MYO5B: variants seen among roughly 807,000 people sequenced by gnomAD.
MYO5B encodes myosin VB.
Under a neutral mutation model 229.3 loss-of-function variants are expected in MYO5B, and 143 were observed. The observed-to-expected ratio is 0.62, with a 90% confidence interval of 0.54 to 0.72. MYO5B has a LOEUF of 0.72. Among genes scored for constraint, MYO5B ranks in the 30% least tolerant of loss-of-function variants. The pLI, the probability that MYO5B is intolerant of heterozygous loss-of-function variation, is 0.00. For synonymous variants in MYO5B, 918 were observed against 885.2 expected, an observed-to-expected ratio of 1.04 and a Z score of -0.66; for missense variants, 2,321 against 2,331.0, an observed-to-expected ratio of 1.00 and a Z score of 0.09.
At chr18:50,078,686 TAA>T (rs1260718737) in intron 1 of MYO5B, among the ~76,000 whole-genome samples, 1 of 152,182 alleles carries the variant, frequency 6.6e-6, no homozygotes, top group Non-Finnish European at 1.5e-5. Flanking sequence ...CAGTATCTGC[TAA>T]AGCTGAGCAT....
At chr18:50,142,697 T>C (rs936585258) in intron 1 of MYO5B, among the ~76,000 whole-genome samples, 2 of 152,238 alleles carry the variant, frequency 1.3e-5, no homozygotes, top group African/African-American at 4.8e-5. Flanking sequence ...AGGTGGCTAG[T>C]AGTCAACCCC....
chr18:50,023,359 T>C (rs1263807968), intron 4 of MYO5B, among the ~76,000 whole-genome samples: 3 of 152,156 alleles, frequency 2.0e-5, no homozygotes, highest in Admixed American at 2.0e-4. Flanking sequence ...AAGGGTATTA[T>C]GCCAAACCAA....
intron 2 of MYO5B, among the ~76,000 whole-genome samples, chr18:50,041,092 G>T (rs888269363): frequency 6.6e-6 from 1 of 152,162 alleles, no homozygotes; most frequent in East Asian, 1.9e-4. Flanking sequence ...CTTGGCTGCT[G>T]CTCACCATGT....
rs112789189 is a variant in MYO5B, at chr18:49,909,329, G to A, written c.2203-2699C>T. Among the ~76,000 whole-genome samples, 107 of 152,348 alleles carry A rather than the reference G, an allele frequency of 7.0e-4. 1 individual carries two copies. The highest frequency in any genetic ancestry group is 2.4e-3 in the African/African-American group (100 of 41,586). ...TCTCCAGGAAGGATAACTGCACTCA[G>A]TGACATTACTCAATCAGACTGGATC... On this transcript the variant is annotated intron_variant, in intron 18 of 39. Transcript: ENST00000285039.
chr18:50,122,633 GGGAGAGAGAGAGAGA>G (rs1301062627), intron 1 of MYO5B, among the ~76,000 whole-genome samples: 1 of 53,752 alleles, frequency 1.9e-5, no homozygotes, highest in African/African-American at 7.6e-5. Context: ...GGAAGGGGGG[GGGAGAGAGAGAGAGA>G]GAGAGAGAGA....
At position 49,826,093 on chromosome 18, in the gene MYO5B, CTT is replaced by C. The variant is rs1384729867; in HGVS notation, c.*376_*377del. 1 of 267,418 alleles carries C rather than the reference CTT, an allele frequency of 3.7e-6. No homozygotes were observed. Among genetic ancestry groups the C allele is most frequent in the Non-Finnish European group, 7.3e-6 (1 of 137,714 alleles). 16.6% of individuals were successfully genotyped at this position (267,418 alleles called of 1,614,324 possible). On this transcript the variant is annotated 3_prime_UTR_variant, in exon 40 of 40. Coordinates refer to ENST00000285039, the MANE Select transcript of MYO5B (RefSeq NM_001080467.3). ...AGCCCTTTGAAGGCAATTTATGTGA[CTT>C]ATATATATTTGGTATTTTAATTTGG...
At chr18:50,085,696 A>C (rs556402983) in intron 1 of MYO5B, among the ~76,000 whole-genome samples, 1 of 152,324 alleles carries the variant, frequency 6.6e-6, no homozygotes, top group Non-Finnish European at 1.5e-5. Context: ...CTGGATTAAG[A>C]AAATGTGGCA....
At chr18:49,877,986 A>T in intron 24 of MYO5B, 104 bp from the exon 25 acceptor site, 1 of 1,387,816 alleles carries the variant, frequency 7.2e-7, no homozygotes, top group Non-Finnish European at 1.0e-6. Context: ...CTAATTTGTC[A>T]ACAAGAATAG....
chr18:49,932,043 C>A (rs1295357817), intron 16 of MYO5B, among the ~76,000 whole-genome samples: 5 of 152,204 alleles, frequency 3.3e-5, no homozygotes, highest in African/African-American at 1.2e-4. Flanking sequence ...GCTATGGGAC[C>A]AGCTGGAGGT....
intron 1 of MYO5B, among the ~76,000 whole-genome samples, chr18:50,162,796 C>A (rs532159757): frequency 1.3e-5 from 2 of 152,246 alleles, no homozygotes; most frequent in African/African-American, 2.4e-5. Flanking sequence ...GAGGTCAGCA[C>A]AGTACTGCCC....
intron 17 of MYO5B, among the ~76,000 whole-genome samples, chr18:49,914,617 T>G (rs1381537108): frequency 6.6e-6 from 1 of 151,534 alleles, no homozygotes; most frequent in Non-Finnish European, 1.5e-5. Flanking sequence ...CTGTCTCTAC[T>G]AAAAGTACAA....
intron 1 of MYO5B, among the ~76,000 whole-genome samples, chr18:50,189,472 A>T (rs1032430752): frequency 2.0e-5 from 3 of 152,188 alleles, no homozygotes; most frequent in African/African-American, 7.2e-5. Context: ...TTGGTTAAGG[A>T]CTGTTCCCTT....
chr18:50,164,454 T>TC (rs1310915837), intron 1 of MYO5B, among the ~76,000 whole-genome samples: 5 of 152,110 alleles, frequency 3.3e-5, no homozygotes, highest in African/African-American at 9.7e-5. Context: ...TCTGTGACCA[T>TC]CCCCCCACTT....
chr18:50,016,450 G>T (rs1256134952), intron 4 of MYO5B, among the ~76,000 whole-genome samples: 4 of 152,156 alleles, frequency 2.6e-5, no homozygotes, highest in Non-Finnish European at 5.9e-5. Context: ...AACATAATGT[G>T]TATCTATGAA....
chr18:50,051,629 T>C lies in MYO5B; in HGVS notation c.138+3639A>G, dbSNP rs566372423. ...ATCCACTCTAAAAACAGTCTTGTGC[T>C]AAGAGTTGGCACACCTAGATACCTT... On this transcript the variant is annotated intron_variant, in intron 2 of 39. Transcript: ENST00000285039. 2.2e-4 allele frequency among the ~76,000 whole-genome samples: 34 copies of C among 152,298 alleles called. No individual in the cohort carries two copies. In the South Asian group the frequency reaches 6.2e-3, roughly 28 times the overall value.
At chr18:49,969,510 T>C (rs756885477) in intron 10 of MYO5B, among the ~76,000 whole-genome samples, 6 of 152,168 alleles carry the variant, frequency 3.9e-5, no homozygotes, top group Non-Finnish European at 7.3e-5. Flanking sequence ...TAAAACACAT[T>C]CCGCCTGCTC....
At chr18:49,954,040 G>T (rs1405410911) in intron 13 of MYO5B, among the ~76,000 whole-genome samples, 1 of 147,420 alleles carries the variant, frequency 6.8e-6, no homozygotes, top group Non-Finnish European at 1.5e-5. Context: ...GTGTGTGTGT[G>T]TGTGTGTGTG....
At chr18:49,904,918 T>A (rs2024882841) in intron 19 of MYO5B, 90 bp from the exon 20 acceptor site, 2 of 1,488,218 alleles carry the variant, frequency 1.3e-6, no homozygotes, top group African/African-American at 1.4e-5. Flanking sequence ...AATGCAAACC[T>A]CTCCCTCTGT....
chr18:49,991,289 G>A (rs746265824), intron 6 of MYO5B, among the ~76,000 whole-genome samples: 8 of 152,190 alleles, frequency 5.3e-5, no homozygotes, highest in South Asian at 2.1e-4. Flanking sequence ...GCATGGAGAT[G>A]TCACCAAGAA....
Sources: allele counts gnomAD v4.1 joint callset (sites outside exome capture counted in the v4.1 genomes callset), GRCh38; gene constraint gnomAD v4.1.1; transcripts MANE v1.5; gene names NCBI Gene and HGNC (gene_info 2026-07-23, HGNC 2026-07-21).